ALKBH5: variants seen among roughly 807,000 people sequenced by gnomAD.
ALKBH5 encodes the protein alkB homolog 5, RNA demethylase.
In ALKBH5, 2 loss-of-function variants were observed where a neutral mutation model predicts 32.1. The ratio of observed to expected loss-of-function variants is 0.06; its 90% CI spans 0.03 to 0.20. The LOEUF (loss-of-function observed/expected upper bound fraction) is 0.20. ALKBH5 is among the 10% of genes least tolerant of loss of function. ALKBH5 has a pLI of 1.00. For synonymous variants in ALKBH5, 300 were observed against 231.7 expected (o/e 1.29, Z -2.68); for missense variants, 352 against 559.5 (o/e 0.63, Z 3.74).
intron 2 of ALKBH5, among the ~76,000 whole-genome samples, chr17:18,205,452 C>T (rs1186315988): frequency 6.6e-6 from 1 of 152,220 alleles, no homozygotes; most frequent in African/African-American, 2.4e-5. Context: ...ACCTGCCTAC[C>T]CACCAGTTTG....
At position 18,209,298 on chromosome 17, in the gene ALKBH5, T is replaced by C. The variant is rs1015437198; in HGVS notation, c.*902T>C. 1 of 152,722 alleles carries C rather than the reference T, an allele frequency of 6.5e-6. No individual in the cohort carries two copies. The highest frequency in any genetic ancestry group is 1.5e-5 in the Non-Finnish European group (1 of 68,100). 9.5% of individuals were successfully genotyped at this position (152,722 alleles called of 1,614,324 possible). ...GTGGTGTGTGGTAGGGTTTTTGTTT[T>C]CTTTTTTGAGTTTTTTTTCCCCCTT... On this transcript the variant is annotated 3_prime_UTR_variant, in exon 4 of 4. Coordinates refer to ENST00000399138, the MANE Select transcript of ALKBH5 (RefSeq NM_017758.4).
chr17:18,203,067 CT>C lies in ALKBH5; in HGVS notation c.852-3744del, dbSNP rs1371072164. On this transcript the variant is annotated intron_variant, in intron 2 of 3. Transcript: ENST00000399138. ...CAGCCTGGAGACAGAGCAAGATTGT[CT>C]TTTAAAAAAAAAAAAAAAAAAAAGA... is the stretch of plus-strand genomic sequence containing the variant. Among the ~76,000 whole-genome samples the C allele has an allele frequency of 3.3e-3, 310 of 93,264 alleles. 1 individual carries two copies. Among genetic ancestry groups the C allele is most frequent in the African/African-American group, 0.013 (285 of 21,786 alleles). The allele number at this position is 93,264 out of a possible 152,430, so 61.2% of individuals were successfully genotyped here. A position where few individuals can be genotyped will look rare whatever the true frequency, so the allele number is the denominator to read the frequency against.
intron 3 of ALKBH5, among the ~76,000 whole-genome samples, chr17:18,207,445 G>A (rs575391768): frequency 1.1e-4 from 16 of 152,294 alleles, no homozygotes; most frequent in Admixed American, 2.0e-4. Flanking sequence ...GGCAGATCAC[G>A]AGGTCAGGTG....
chr17:18,205,641 A>T (rs1417849849), intron 2 of ALKBH5, among the ~76,000 whole-genome samples: 2 of 152,096 alleles, frequency 1.3e-5, no homozygotes, highest in Non-Finnish European at 2.9e-5. Flanking sequence ...TGCCTTTCTG[A>T]TCCTTCCCAT....
intron 3 of ALKBH5, 102 bp from the exon 4 acceptor site, chr17:18,208,117 G>C (rs2047280696): frequency 5.4e-6 from 7 of 1,295,998 alleles, no homozygotes; most frequent in Middle Eastern, 2.7e-4. Context: ...GAGGACCACT[G>C]AGCTGAAGTG....
intron 2 of ALKBH5, among the ~76,000 whole-genome samples, chr17:18,206,014 C>A (rs2124370): frequency 0.11 from 16,874 of 152,130 alleles, 1,104 homozygotes; most frequent in East Asian, 0.23. Context: ...ACACAAGGAG[C>A]CTGAGGGCTT....
Position 18,184,545 on chromosome 17 carries a change from C to G in ALKBH5, c.302C>G (p.Ala101Gly). 1.2e-6 allele frequency: 2 copies of G among 1,613,304 alleles called. No individual in the cohort carries two copies. Among genetic ancestry groups the G allele is most frequent in the Non-Finnish European group, 1.7e-6 (2 of 1,179,988 alleles). ...QMRLFSQDEC[A>G]KIEARIDEVV... ...CGCCTCTTCAGCCAGGACGAGTGCG[C>G]CAAGATCGAGGCCCGCATTGACGAG... The change falls in exon 1 of 4, where the codon GCC (alanine) becomes GGC (glycine). Residue 101 changes from alanine to glycine, a missense_variant. Transcript: ENST00000399138.
intron 2 of ALKBH5, among the ~76,000 whole-genome samples, chr17:18,195,338 G>A (rs1337775012): frequency 2.0e-5 from 3 of 152,136 alleles, no homozygotes; most frequent in Admixed American, 6.6e-5. Flanking sequence ...CCACCCCTTA[G>A]CCTCTATTCC....
At chr17:18,204,190 G>A (rs922219289) in intron 2 of ALKBH5, among the ~76,000 whole-genome samples, 3 of 152,184 alleles carry the variant, frequency 2.0e-5, no homozygotes, top group Admixed American at 2.0e-4. Context: ...GGTGGCTCAC[G>A]CCTTTAATTT....
At chr17:18,190,541 T>A (rs1456386664) in intron 1 of ALKBH5, among the ~76,000 whole-genome samples, 4 of 138,608 alleles carry the variant, frequency 2.9e-5, no homozygotes, top group Non-Finnish European at 6.2e-5. Context: ...AGAGTGGGAC[T>A]CTGTTTCCGA....
chr17:18,185,128 T>TC (rs2047130353), intron 1 of ALKBH5, 115 bp downstream of exon 1: 1 of 1,484,576 alleles, frequency 6.7e-7, no homozygotes, highest in Non-Finnish European at 8.9e-7. Context: ...GACCAGTTCT[T>TC]CTGTTTGTAG....
chr17:18,194,479 A>G (rs1015692039), intron 1 of ALKBH5, among the ~76,000 whole-genome samples: 1 of 152,180 alleles, frequency 6.6e-6, no homozygotes, highest in East Asian at 1.9e-4. Context: ...ATTCAAACAC[A>G]ACTGTCTTCA....
chr17:18,191,637 G>C (rs2047175529), intron 1 of ALKBH5, among the ~76,000 whole-genome samples: 1 of 152,158 alleles, frequency 6.6e-6, no homozygotes, highest in Non-Finnish European at 1.5e-5. Context: ...TGGCAGGGAA[G>C]GTTGCCTGTA....
rs2047289856 is a variant in ALKBH5 at position 18,209,181 on chromosome 17, G to C, written c.*785G>C. On this transcript the variant is annotated 3_prime_UTR_variant, in exon 4 of 4. Coordinates refer to ENST00000399138, the MANE Select transcript of ALKBH5 (RefSeq NM_017758.4). Reference sequence around the variant, plus strand: ...TGCGTGTGATTATTTGGAACAGTTAGACTTGCCACGTTGGGTCAGTTTTAG... The same window carrying C: ...TGCGTGTGATTATTTGGAACAGTTACACTTGCCACGTTGGGTCAGTTTTAG... 1 of 152,810 alleles carries C rather than the reference G, an allele frequency of 6.5e-6. No individual in the cohort carries two copies. Among genetic ancestry groups the C allele is most frequent in the Admixed American group, 6.5e-5 (1 of 15,296 alleles). 9.5% of individuals were successfully genotyped at this position (152,810 alleles called of 1,614,324 possible).
intron 2 of ALKBH5, among the ~76,000 whole-genome samples, chr17:18,200,112 ATTT>A (rs11393364): frequency 7.4e-6 from 1 of 135,532 alleles, no homozygotes; most frequent in Non-Finnish European, 1.6e-5. Flanking sequence ...AAAAAAAAAA[ATTT>A]TTTTTTTTTT....
chr17:18,207,061 C>G, intron 3 of ALKBH5, 91 bp downstream of exon 3: 1 of 1,489,282 alleles, frequency 6.7e-7, no homozygotes, highest in Non-Finnish European at 9.0e-7. Context: ...TGTTTAGGAG[C>G]CTTGGCTTGC....
rs373570928 is a variant in ALKBH5 at position 18,208,356 on chromosome 17, C to T, written c.1145C>T (p.Ala382Val). The T allele has an allele frequency of 3.1e-6, 5 of 1,613,514 alleles. No individual in the cohort carries two copies. The African/African-American group carries it at 6.7e-5, about 22-fold the overall frequency. Residue 382 changes from alanine to valine, a missense_variant, in exon 4 of 4, where the codon GCA (alanine) becomes GTA (valine). This residue lies in a region of ALKBH5 where 124 missense variants were observed against 142.4 expected (regional missense o/e 0.87). Coordinates refer to ENST00000399138, the MANE Select transcript of ALKBH5 (RefSeq NM_017758.4). ...TCCTCAGAGGACTGCTCTGAGGCAGCAGGCAGCCCTGCCCGAAAGGTGAAG... is the reference window on the plus strand; with the variant it reads ...TCCTCAGAGGACTGCTCTGAGGCAGTAGGCAGCCCTGCCCGAAAGGTGAAG... Reference protein sequence around the residue: ...YESSEDCSEAAGSPARKVKMR... With the variant: ...YESSEDCSEAVGSPARKVKMR...
chr17:18,185,420 A>G (rs2047132845), intron 1 of ALKBH5, among the ~76,000 whole-genome samples: 1 of 152,064 alleles, frequency 6.6e-6, no homozygotes, highest in African/African-American at 2.4e-5. Context: ...AATTTATCTA[A>G]AAGTCTTTCT....
intron 2 of ALKBH5, among the ~76,000 whole-genome samples, chr17:18,198,735 G>T (rs1019654099): frequency 1.3e-5 from 2 of 152,204 alleles, no homozygotes; most frequent in Non-Finnish European, 2.9e-5. Flanking sequence ...AAATGGGTGG[G>T]CAGCTGCCAA....
Sources: allele counts gnomAD v4.1 joint callset (sites outside exome capture counted in the v4.1 genomes callset), GRCh38; gene constraint gnomAD v4.1.1; regional missense constraint gnomAD v4.1.1; transcripts MANE v1.5; gene names NCBI Gene and HGNC (gene_info 2026-07-23, HGNC 2026-07-21).